SNX29: variants seen among roughly 807,000 people sequenced by gnomAD.
The protein encoded by SNX29 is sorting nexin 29, also known as sorting nexin-29.
SNX29 carries 78 observed loss-of-function variants against 102.1 expected under a neutral mutation model. The observed-to-expected ratio is 0.76, with a 90% CI of 0.64 to 0.92. The LOEUF (loss-of-function observed/expected upper bound fraction) is 0.92, where lower values mean the gene tolerates loss of function less well. SNX29 is among the 40% of genes least tolerant of loss of function. The pLI, the probability that SNX29 is intolerant of heterozygous loss-of-function variation, is 0.00. For synonymous variants in SNX29, 580 were observed against 414.5 expected (o/e 1.40, Z -4.85); for missense variants, 1,280 against 1,061.7 (o/e 1.21, Z -2.86).
At chr16:12,159,535 T>C (rs947320115) in intron 13 of SNX29, among the ~76,000 whole-genome samples, 20 of 152,248 alleles carry the variant, frequency 1.3e-4, no homozygotes, top group Admixed American at 2.6e-4. Flanking sequence ...CATAGAGACA[T>C]GGCTGTGTAT....
At chr16:12,153,908 G>C (rs1029684103) in intron 13 of SNX29, among the ~76,000 whole-genome samples, 2 of 152,204 alleles carry the variant, frequency 1.3e-5, no homozygotes. Flanking sequence ...CAGTTTGTCT[G>C]ATGTGTTCCA....
intron 17 of SNX29, among the ~76,000 whole-genome samples, chr16:12,400,694 G>T (rs958525225): frequency 2.2e-4 from 34 of 152,324 alleles, no homozygotes; most frequent in African/African-American, 7.0e-4. Flanking sequence ...TAATTTATCT[G>T]TAACAACTAT....
intron 14 of SNX29, among the ~76,000 whole-genome samples, chr16:12,212,389 G>C (rs1487758174): frequency 1.3e-5 from 2 of 151,684 alleles, no homozygotes; most frequent in Non-Finnish European, 2.9e-5. Context: ...CTTTGTCCTT[G>C]AAGGCTACTT....
chr16:12,213,137 C>G (rs1039886618), intron 14 of SNX29, among the ~76,000 whole-genome samples: 3 of 151,364 alleles, frequency 2.0e-5, no homozygotes, highest in African/African-American at 7.3e-5. Context: ...CACAAACAAA[C>G]AAAAAAAACT....
intron 13 of SNX29, among the ~76,000 whole-genome samples, chr16:12,154,398 G>A (rs1226057874): frequency 6.6e-6 from 1 of 152,164 alleles, no homozygotes; most frequent in Admixed American, 6.5e-5. Context: ...CCCTGAGGTG[G>A]AAGCAGGCTG....
At position 12,513,138 on chromosome 16, in the gene SNX29, C is replaced by T. The variant is rs183720593; in HGVS notation, c.2179-11564C>T. On this transcript the variant is annotated intron_variant, in intron 19 of 20. Coordinates refer to ENST00000566228, the MANE Select transcript of SNX29 (RefSeq NM_032167.5). ...TCTTCTCCTCTCTGACCCTGCCCTC[C>T]CTCATCCTCCCTTCCTCTGAACTCC... Among the ~76,000 whole-genome samples the T allele has an allele frequency of 1.5e-4, 22 of 151,668 alleles. No homozygotes were observed. The South Asian group carries it at 1.9e-3, about 13-fold the overall frequency.
At chr16:12,474,422 C>T (rs1261572731) in intron 18 of SNX29, among the ~76,000 whole-genome samples, 1 of 152,090 alleles carries the variant, frequency 6.6e-6, no homozygotes, top group Non-Finnish European at 1.5e-5. Context: ...TTGGCCTAAA[C>T]ATGAAACATG....
At chr16:12,536,498 C>G (rs1166658304) in intron 20 of SNX29, among the ~76,000 whole-genome samples, 2 of 152,272 alleles carry the variant, frequency 1.3e-5, no homozygotes, top group East Asian at 1.9e-4. Flanking sequence ...GGATTAGAAC[C>G]TTTAGGGACT....
chr16:12,261,645 G>C lies in SNX29; in HGVS notation c.1679-16288G>C, dbSNP rs1431595468. ...GCATGCGTCCCCGGCTGGAGTGAGT[G>C]GTTCCTGAGCTCGGGTCTGCACGTG... On this transcript the variant is annotated intron_variant, in intron 14 of 20. Transcript: ENST00000566228. Among the ~76,000 whole-genome samples the C allele has an allele frequency of 2.1e-5, 3 of 141,676 alleles. No homozygotes were observed. In the East Asian group the frequency reaches 6.6e-4, roughly 31 times the overall value. The allele number at this position is 141,676 out of a possible 152,430, so 92.9% of individuals were successfully genotyped here.
At chr16:12,016,271 A>G (rs908396055) in intron 3 of SNX29, among the ~76,000 whole-genome samples, 2 of 152,242 alleles carry the variant, frequency 1.3e-5, no homozygotes, top group Non-Finnish European at 2.9e-5. Flanking sequence ...ATGATGGACA[A>G]TGAAGCAATA....
At chr16:12,116,977 C>A (rs564283107) in intron 11 of SNX29, among the ~76,000 whole-genome samples, 1 of 150,956 alleles carries the variant, frequency 6.6e-6, no homozygotes, top group Admixed American at 6.6e-5. Flanking sequence ...TGCTTCAATG[C>A]GGATGAACCA....
At chr16:12,234,877 C>T (rs189855909) in intron 14 of SNX29, among the ~76,000 whole-genome samples, 1 of 152,260 alleles carries the variant, frequency 6.6e-6, no homozygotes, top group East Asian at 1.9e-4. Context: ...ATGATGACTT[C>T]CTGTTTGGGT....
intron 18 of SNX29, among the ~76,000 whole-genome samples, chr16:12,446,949 G>C (rs1214788596): frequency 6.6e-6 from 1 of 151,858 alleles, no homozygotes; most frequent in Non-Finnish European, 1.5e-5. Flanking sequence ...CGGATCATTT[G>C]AGGTCAGGGG....
intron 14 of SNX29, among the ~76,000 whole-genome samples, chr16:12,209,143 C>G (rs1397711132): frequency 6.6e-6 from 1 of 152,138 alleles, no homozygotes; most frequent in Non-Finnish European, 1.5e-5. Context: ...ACAAATGGGG[C>G]AAGCAGGTAT....
At chr16:12,197,064 G>A (rs1024799850) in intron 13 of SNX29, among the ~76,000 whole-genome samples, 5 of 152,236 alleles carry the variant, frequency 3.3e-5, no homozygotes, top group African/African-American at 1.2e-4. Context: ...ACGGCTGGCA[G>A]CAAATGAGAG....
Position 12,477,795 on chromosome 16 carries a change from T to C in SNX29, c.2114T>C (p.Leu705Ser). ...GAGTTCAGGAGTTTGCACCACAAGTTACAAAACAAGTACCCTCAAGTGAGG... is the reference window on the plus strand; with the variant it reads ...GAGTTCAGGAGTTTGCACCACAAGTCACAAAACAAGTACCCTCAAGTGAGG... The part of the protein sequence containing the change: ...YTEFRSLHHK[L>S]QNKYPQVRAY... Residue 705 changes from leucine to serine, a missense_variant, in exon 19 of 21, where the codon TTA becomes TCA. Transcript: ENST00000566228. 1.9e-6 allele frequency: 3 copies of C among 1,613,452 alleles called. No homozygotes were observed. The highest frequency in any genetic ancestry group is 2.5e-6 in the Non-Finnish European group (3 of 1,179,714).
intron 16 of SNX29, chr16:12,374,668 G>A (rs945261966): frequency 1.1e-4 from 16 of 152,230 alleles, no homozygotes; most frequent in African/African-American, 3.1e-4. Context: ...TGGTGCCGTC[G>A]GCCACTGGGA....
At chr16:12,263,094 A>G (rs1480452516) in intron 14 of SNX29, among the ~76,000 whole-genome samples, 7 of 150,072 alleles carry the variant, frequency 4.7e-5, no homozygotes. Flanking sequence ...TGACATTGTT[A>G]TTATTGTCAT....
At chr16:12,554,880 A>T (rs1237825999) in intron 20 of SNX29, among the ~76,000 whole-genome samples, 1 of 152,158 alleles carries the variant, frequency 6.6e-6, no homozygotes, top group African/African-American at 2.4e-5. Flanking sequence ...AAGATATGTC[A>T]GCATGCCATA....
Sources: gnomAD v4.1 joint callset for allele counts (sites outside exome capture counted in the v4.1 genomes callset) on GRCh38, gnomAD v4.1.1 for gene constraint, MANE v1.5 for transcripts, NCBI Gene and HGNC (gene_info 2026-07-23, HGNC 2026-07-21) for gene names.